The following EEF1A2 variants were observed in gnomAD, a reference collection of about 807,000 sequenced individuals.
The protein encoded by EEF1A2 is elongation factor 1-alpha 2.
EEF1A2 carries 5 observed loss-of-function variants against 39.3 expected under a neutral mutation model. That is an observed-to-expected ratio of 0.13 (90% CI 0.07 to 0.27). The LOEUF (loss-of-function observed/expected upper bound fraction) is 0.27. EEF1A2 is among the 10% of genes least tolerant of loss of function. EEF1A2 has a pLI of 1.00. For missense variants in EEF1A2, 218 were observed against 681.4 expected (o/e 0.32, Z 7.57); for synonymous variants, 287 against 293.7 (o/e 0.98, Z 0.23).
chr20:63,488,217 G>C lies in EEF1A2; in HGVS notation c.*81C>G, dbSNP rs2082360873. The C allele has an allele frequency of 1.1e-6, 1 of 877,042 alleles. No homozygotes were observed. The highest frequency in any genetic ancestry group is 5.5e-5 in the South Asian group (1 of 18,134). 54.3% of individuals were successfully genotyped at this position (877,042 alleles called of 1,614,324 possible). On this transcript the variant is annotated 3_prime_UTR_variant, in exon 8 of 8. Coordinates refer to ENST00000217182, the MANE Select transcript of EEF1A2 (RefSeq NM_001958.5). ...TGCGGGGCGCCGGACCGGCGCGCGG[G>C]GCGGGGGCGGGGCGGGGGCCCGGGC...
Position 63,497,925 on chromosome 20 carries a change from A to C in EEF1A2, c.-71-91T>G. On this transcript the variant is annotated intron_variant, in intron 1 of 7. Transcript: ENST00000217182. This position sits in a 1 kb window ranked among gnomAD's most constrained non-coding sequence, Gnocchi z 7.3. ...CTGTCCTGGCACAGGCTGGACAGGC[A>C]TCCCTGCCCACAAACCAAGCCCCCA... 1 of 968,698 alleles carries C rather than the reference A, an allele frequency of 1.0e-6. No homozygotes were observed. Among genetic ancestry groups the C allele is most frequent in the Non-Finnish European group, 1.5e-6 (1 of 677,782 alleles). 60.0% of individuals were successfully genotyped at this position (968,698 alleles called of 1,614,324 possible).
chr20:63,490,279 A>G (rs1331295167), intron 6 of EEF1A2, 200 bp downstream of exon 6: 28 of 629,620 alleles, frequency 4.4e-5, no homozygotes, highest in Non-Finnish European at 2.1e-5. Flanking sequence ...GTTGACCAGG[A>G]TGGACTTGAT....
chr20:63,489,194 T>G, intron 6 of EEF1A2, 42 bp from the exon 7 acceptor site: 1 of 1,591,590 alleles, frequency 6.3e-7, no homozygotes, highest in Non-Finnish European at 8.6e-7. Context: ...ACATCGGCGG[T>G]GGGCACCGGG....
At chr20:63,493,883 C>A (rs1224558087) in intron 4 of EEF1A2, among the ~76,000 whole-genome samples, 1 of 152,276 alleles carries the variant, frequency 6.6e-6, no homozygotes, top group Non-Finnish European at 1.5e-5. Context: ...AAGCACGAGC[C>A]ACCTAGCAGC....
intron 6 of EEF1A2, among the ~76,000 whole-genome samples, chr20:63,489,396 G>A (rs1025701079): frequency 2.0e-5 from 3 of 151,978 alleles, no homozygotes; most frequent in Admixed American, 1.3e-4. Context: ...GCACTTACAC[G>A]GCCAACCCCA....
chr20:63,488,766 GAGGCCGT>G, intron 7 of EEF1A2, 145 bp downstream of exon 7: 1 of 873,996 alleles, frequency 1.1e-6, no homozygotes, highest in Non-Finnish European at 1.7e-6. Context: ...CAGTGACACG[GAGGCCGT>G]GGCTCTCCTG....
chr20:63,496,455 G>C lies in EEF1A2; in HGVS notation c.145-420C>G, dbSNP rs552712636. 13 of 174,646 alleles carry C rather than the reference G, an allele frequency of 7.4e-5. No individual in the cohort carries two copies. In the East Asian group the frequency reaches 1.8e-3, roughly 25 times the overall value. 10.8% of individuals were successfully genotyped at this position (174,646 alleles called of 1,614,324 possible). A position where few individuals can be genotyped will look rare whatever the true frequency, so the allele number is the denominator to read the frequency against. On this transcript the variant is annotated intron_variant, in intron 2 of 7. Coordinates refer to ENST00000217182, the MANE Select transcript of EEF1A2 (RefSeq NM_001958.5). Reference sequence around the variant, plus strand: ...GGGGCTGTCAGATAAATAACCCTCTGTGTGTGTGTGTTTTTTTAAGGTAAG... The same window carrying C: ...GGGGCTGTCAGATAAATAACCCTCTCTGTGTGTGTGTTTTTTTAAGGTAAG...
intron 5 of EEF1A2, among the ~76,000 whole-genome samples, chr20:63,491,369 G>A (rs1008882575): frequency 6.6e-6 from 1 of 152,332 alleles, no homozygotes; most frequent in Non-Finnish European, 1.5e-5. Flanking sequence ...GCTGCCACAT[G>A]GGGGTCTTGT....
rs1252831494 is a variant in EEF1A2 at position 63,494,738 on chromosome 20, G to C, written c.621+67C>G. ...CTCGACCTCCCCGTGCCACCTGCCGGTGCCTCGCTCTGGGCCAGGGGGTCC... is the reference window on the plus strand; with the variant it reads ...CTCGACCTCCCCGTGCCACCTGCCGCTGCCTCGCTCTGGGCCAGGGGGTCC... On this transcript the variant is annotated intron_variant, in intron 4 of 7. Transcript: ENST00000217182. 2.6e-6 allele frequency: 4 copies of C among 1,536,388 alleles called. No individual in the cohort carries two copies. The East Asian group carries it at 9.4e-5, about 36-fold the overall frequency.
intron 4 of EEF1A2, among the ~76,000 whole-genome samples, chr20:63,493,514 C>T (rs1241697920): frequency 6.6e-6 from 1 of 152,164 alleles, no homozygotes; most frequent in Non-Finnish European, 1.5e-5. Flanking sequence ...AGAGGGAAAG[C>T]ACCCTTCCCA....
chr20:63,495,871 G>T lies in EEF1A2; in HGVS notation c.309C>A (p.Ile103=). 6.2e-7 allele frequency: 1 copy of T among 1,613,116 alleles called. No individual in the cohort carries two copies. Among genetic ancestry groups the T allele is most frequent in the Middle Eastern group, 1.7e-4 (1 of 6,058 alleles). Reference sequence around the variant, plus strand: ...CCCTGCTCACCTGGGATGTACCCGTGATCATGTTCTTGATGAAGTCGCGGT... The same window carrying T: ...CCCTGCTCACCTGGGATGTACCCGTTATCATGTTCTTGATGAAGTCGCGGT... ...PGHRDFIKNM[I]TGTSQADCAV... Residue 103 remains isoleucine (I), a synonymous_variant, in exon 3 of 8, where the codon ATC becomes ATA. Coordinates refer to ENST00000217182, the MANE Select transcript of EEF1A2 (RefSeq NM_001958.5).
At chr20:63,495,171 C>G in intron 3 of EEF1A2, 70 bp from the exon 4 acceptor site, 1 of 1,558,678 alleles carries the variant, frequency 6.4e-7, no homozygotes, top group Non-Finnish European at 8.7e-7. Context: ...CCTGGCCCCA[C>G]CTCACTTCCA....
At chr20:63,494,653 G>T (rs891873427) in intron 4 of EEF1A2, 152 bp downstream of exon 4, 13 of 1,145,720 alleles carry the variant, frequency 1.1e-5, no homozygotes, top group Middle Eastern at 2.9e-4. Context: ...GCCGGGCCCT[G>T]AGCCAGTTAG....
At chr20:63,491,860 G>C (rs887554377) in intron 5 of EEF1A2, among the ~76,000 whole-genome samples, 1 of 147,460 alleles carries the variant, frequency 6.8e-6, no homozygotes, top group African/African-American at 2.5e-5. Flanking sequence ...ATGGATGGAT[G>C]GGGAGGTGGA....
intron 2 of EEF1A2, 136 bp from the exon 3 acceptor site, chr20:63,496,171 G>T: frequency 1.9e-6 from 2 of 1,068,638 alleles, no homozygotes; most frequent in Non-Finnish European, 2.7e-6. Flanking sequence ...CTCCGTCGGG[G>T]TCCTGGGACG....
At chr20:63,488,783 G>A (rs1304117122) in intron 7 of EEF1A2, 135 bp downstream of exon 7, 6 of 1,000,090 alleles carry the variant, frequency 6.0e-6, no homozygotes, top group Middle Eastern at 3.2e-4. Context: ...TGGCTCTCCT[G>A]CCATGCTCTG....
At chr20:63,499,015 A>AGACGGG (rs1232753321) in intron 1 of EEF1A2, 43 bp downstream of exon 1, 1 of 148,824 alleles carries the variant, frequency 6.7e-6, no homozygotes, top group Non-Finnish European at 1.5e-5. Flanking sequence ...CCTCTTCGGA[A>AGACGGG]GACGGGGGCG....
chr20:63,493,097 G>A, intron 5 of EEF1A2, 40 bp downstream of exon 5: 1 of 1,538,076 alleles, frequency 6.5e-7, no homozygotes, highest in Non-Finnish European at 8.8e-7. Flanking sequence ...GGCAGGCAGA[G>A]CTGGCCAGGC....
At chr20:63,488,897 C>T (rs369449694) in intron 7 of EEF1A2, 21 bp downstream of exon 7, 153 of 1,606,468 alleles carry the variant, frequency 9.5e-5, no homozygotes, top group Admixed American at 3.3e-5. Context: ...GGCTGCACCT[C>T]CCCGGACCAC....
Sources: allele counts gnomAD v4.1 joint callset (sites outside exome capture counted in the v4.1 genomes callset), GRCh38; gene constraint gnomAD v4.1.1; non-coding constraint Gnocchi (gnomAD v3.1); transcripts MANE v1.5; gene names NCBI Gene and HGNC (gene_info 2026-07-23, HGNC 2026-07-21).